ZBTB43: variants seen among roughly 807,000 people sequenced by gnomAD.
The protein encoded by ZBTB43 is zinc finger and BTB domain-containing protein 43.
ZBTB43 carries 6 observed loss-of-function variants against 31.1 expected under a neutral mutation model. The ratio of observed to expected loss-of-function variants is 0.19; its 90% CI spans 0.11 to 0.38. The LOEUF (loss-of-function observed/expected upper bound fraction) is 0.38. Among genes scored for constraint, ZBTB43 ranks in the 10% least tolerant of loss-of-function variants. ZBTB43 has a pLI of 1.00. For missense variants in ZBTB43, 379 were observed against 602.1 expected (o/e 0.63, Z 3.88); for synonymous variants, 212 against 221.7 (o/e 0.96, Z 0.39).
chr9:126,804,168 G>A (rs566842903), upstream of ZBTB43, among the ~76,000 whole-genome samples: 2 of 152,054 alleles, frequency 1.3e-5, no homozygotes, highest in Non-Finnish European at 2.9e-5. Flanking sequence ...ACACTAACAT[G>A]GGGGGGCAGT....
chr9:126,824,345 A>C (rs562416632), intron 2 of ZBTB43, among the ~76,000 whole-genome samples: 1 of 152,298 alleles, frequency 6.6e-6, no homozygotes, highest in Non-Finnish European at 1.5e-5. Context: ...TAATATTTAC[A>C]TAAGTAGTTA....
At chr9:126,823,622 G>A (rs2032565441) in intron 2 of ZBTB43, among the ~76,000 whole-genome samples, 1 of 151,484 alleles carries the variant, frequency 6.6e-6, no homozygotes, top group African/African-American at 2.4e-5. Flanking sequence ...TTACAATTTA[G>A]CTATTTGTTT....
chr9:126,823,146 C>T (rs1564204051), intron 2 of ZBTB43, among the ~76,000 whole-genome samples: 1 of 152,116 alleles, frequency 6.6e-6, no homozygotes, highest in South Asian at 2.1e-4. Context: ...TTGTTCAAGT[C>T]TTCTATTTCC....
chr9:126,821,879 T>C (rs1008141841), intron 2 of ZBTB43, among the ~76,000 whole-genome samples: 3 of 152,212 alleles, frequency 2.0e-5, no homozygotes, highest in African/African-American at 7.2e-5. Context: ...TTTTTCTTTT[T>C]TTGAGACAGA....
At chr9:126,815,175 G>A (rs1173343859) in intron 2 of ZBTB43, among the ~76,000 whole-genome samples, 4 of 149,242 alleles carry the variant, frequency 2.7e-5, no homozygotes, top group African/African-American at 9.8e-5. Context: ...ATGTGTGTAT[G>A]TGTGTATTGT....
chr9:126,810,696 G>GCCACCATGCACA (rs2032228312), intron 2 of ZBTB43, among the ~76,000 whole-genome samples: 1 of 150,670 alleles, frequency 6.6e-6, no homozygotes, highest in Admixed American at 6.6e-5. Flanking sequence ...GTAGAGAAGG[G>GCCACCATGCACA]GTTTCACCAT....
In ZBTB43 at chr9:126,828,639, A is replaced by ATTATTATT. The variant is rs1564206179; in HGVS notation, c.-23-3848_-23-3847insTTATTATT. Among the ~76,000 whole-genome samples, 478 of 126,882 alleles carry ATTATTATT rather than the reference A, an allele frequency of 3.8e-3. 4 individuals are homozygous for ATTATTATT. The highest frequency in any genetic ancestry group is 0.015 in the African/African-American group (444 of 29,904). The allele number at this position is 126,882 out of a possible 152,430, so 83.2% of individuals were successfully genotyped here. On this transcript the variant is annotated intron_variant, in intron 2 of 2. Transcript: ENST00000373464. Reference sequence around the variant, plus strand: ...GAGACCCCCATCTCTAAATAATAATAATAATAATAATAATAATTATTATTA... The same window carrying ATTATTATT: ...GAGACCCCCATCTCTAAATAATAATATTATTATTATAATAATAATAATAATTATTATTA...
chr9:126,818,118 TCTTTTTTTTTTTTTTTC>T (rs1312356199), intron 2 of ZBTB43, among the ~76,000 whole-genome samples: 2 of 149,622 alleles, frequency 1.3e-5, no homozygotes, highest in Non-Finnish European at 3.0e-5. Context: ...TTTTTCTTTT[TCTTTTTTTTTTTTTTTC>T]CTTTTTGGAC....
chr9:126,820,058 G>C (rs1166263337), intron 2 of ZBTB43, among the ~76,000 whole-genome samples: 1 of 152,216 alleles, frequency 6.6e-6, no homozygotes, highest in Non-Finnish European at 1.5e-5. Flanking sequence ...TGGTTTGTGA[G>C]GTTGAAGGAA....
chr9:126,810,445 G>A (rs929698097), intron 2 of ZBTB43, among the ~76,000 whole-genome samples: 2 of 146,516 alleles, frequency 1.4e-5, no homozygotes, highest in Admixed American at 6.8e-5. Flanking sequence ...CCACCGTCTC[G>A]TGCTCCCAAA....
chr9:126,817,855 A>G (rs1470225430), intron 2 of ZBTB43, among the ~76,000 whole-genome samples: 3 of 152,172 alleles, frequency 2.0e-5, no homozygotes, highest in Admixed American at 1.3e-4. Context: ...TACTCTCAGT[A>G]TAGGTCACAA....
intron 2 of ZBTB43, among the ~76,000 whole-genome samples, chr9:126,813,863 A>G (rs10987490): frequency 6.6e-6 from 1 of 151,732 alleles, no homozygotes; most frequent in Non-Finnish European, 1.5e-5. Flanking sequence ...TACTTTTTAC[A>G]TTTCTAGTTT....
At position 126,832,490 on chromosome 9, in the gene ZBTB43, C is replaced by T. The variant is rs757800711; in HGVS notation, c.-20C>T. The T allele has an allele frequency of 1.7e-5, 27 of 1,588,476 alleles. No individual in the cohort carries two copies. The highest frequency in any genetic ancestry group is 1.0e-4 in the South Asian group (9 of 88,452). ...CTAATTTTTCTTTCTCTTGTAGCAC[C>T]GAACAAGATTTGTGATGAAATGGAG... On this transcript the variant is annotated 5_prime_UTR_variant, in exon 3 of 3. Transcript: ENST00000373464.
At chr9:126,808,577 T>A (rs1030481123) in intron 1 of ZBTB43, among the ~76,000 whole-genome samples, 3 of 152,234 alleles carry the variant, frequency 2.0e-5, no homozygotes, top group Non-Finnish European at 4.4e-5. Context: ...TCTTTTCAGT[T>A]TTTTTGAAAA....
chr9:126,816,357 T>A (rs2032386118), intron 2 of ZBTB43, among the ~76,000 whole-genome samples: 1 of 152,234 alleles, frequency 6.6e-6, no homozygotes, highest in African/African-American at 2.4e-5. Context: ...CCTGATACCC[T>A]ATCATTAATT....
intron 2 of ZBTB43, chr9:126,832,150 T>C (rs2032778311): frequency 5.1e-6 from 1 of 196,570 alleles, no homozygotes; most frequent in Admixed American, 5.3e-5. Context: ...TTATATTATT[T>C]GAATGGGTAT....
At chr9:126,819,255 C>A (rs941679933) in intron 2 of ZBTB43, among the ~76,000 whole-genome samples, 1 of 142,456 alleles carries the variant, frequency 7.0e-6, no homozygotes, top group African/African-American at 2.6e-5. Context: ...AGGCATACCT[C>A]ATTTTGTGCT....
At chr9:126,825,331 T>G (rs2032607749) in intron 2 of ZBTB43, among the ~76,000 whole-genome samples, 1 of 152,162 alleles carries the variant, frequency 6.6e-6, no homozygotes, top group African/African-American at 2.4e-5. Context: ...TCCTTCTGCC[T>G]GCTCAAGCAT....
intron 2 of ZBTB43, among the ~76,000 whole-genome samples, chr9:126,826,980 C>G (rs1564205429): frequency 6.6e-6 from 1 of 152,148 alleles, no homozygotes; most frequent in Non-Finnish European, 1.5e-5. Flanking sequence ...TGTGCTTTTA[C>G]TTTCTTGTTG....
Sources: gnomAD v4.1 joint callset for allele counts (sites outside exome capture counted in the v4.1 genomes callset) on GRCh38, gnomAD v4.1.1 for gene constraint, MANE v1.5 for transcripts, NCBI Gene and HGNC (gene_info 2026-07-23, HGNC 2026-07-21) for gene names.